The following CRAMP1 variants were observed in gnomAD, a reference collection of about 807,000 sequenced individuals.
CRAMP1 encodes the protein protein cramped-like.
CRAMP1 carries 50 observed loss-of-function variants against 115.4 expected under a neutral mutation model. The observed-to-expected ratio is 0.43, with a 90% CI of 0.35 to 0.55. The LOEUF is 0.55. CRAMP1 is among the 20% of genes least tolerant of loss of function. CRAMP1 has a pLI of 0.01. For synonymous variants in CRAMP1, 866 were observed against 745.4 expected, an observed-to-expected ratio of 1.16 and a Z score of -2.64; for missense variants, 1,679 against 1,721.7, an observed-to-expected ratio of 0.98 and a Z score of 0.44.
At position 1,659,861 on chromosome 16, in the gene CRAMP1, A is replaced by T. The variant is rs751991201; in HGVS notation, c.2236-25A>T. On this transcript the variant is annotated intron_variant, in intron 10 of 20. Coordinates refer to ENST00000397412, the MANE Select transcript of CRAMP1 (RefSeq NM_020825.4). Reference sequence around the variant, plus strand: ...CATTTCTCATGTGCTGAGTTTGGACATTGTTTGGCCCATTTCTGTCCTAGG... The same window carrying T: ...CATTTCTCATGTGCTGAGTTTGGACTTTGTTTGGCCCATTTCTGTCCTAGG... 5.0e-6 allele frequency: 8 copies of T among 1,611,046 alleles called. No homozygotes were observed. The South Asian group carries it at 8.8e-5, about 18-fold the overall frequency.
chr16:1,641,449 C>G (rs2036631337), intron 6 of CRAMP1, among the ~76,000 whole-genome samples: 1 of 152,190 alleles, frequency 6.6e-6, no homozygotes, highest in African/African-American at 2.4e-5. Flanking sequence ...GCGTTGTGGT[C>G]TCGACGCAGC....
chr16:1,627,848 C>T lies in CRAMP1; in HGVS notation c.540+1682C>T, dbSNP rs1021242852. ...CTGTTTGTTGGTCTTGGAGGACCTGCGATTCCTGGAATGTTTTCAGAATCA... is the reference window on the plus strand; with the variant it reads ...CTGTTTGTTGGTCTTGGAGGACCTGTGATTCCTGGAATGTTTTCAGAATCA... On this transcript the variant is annotated intron_variant, in intron 3 of 20. Transcript: ENST00000397412. 1.2e-4 allele frequency among the ~76,000 whole-genome samples: 18 copies of T among 152,212 alleles called. No homozygotes were observed. In the South Asian group the frequency reaches 1.2e-3, roughly 11 times the overall value.
At chr16:1,664,116 A>G (rs928030050) in intron 13 of CRAMP1, among the ~76,000 whole-genome samples, 4 of 152,190 alleles carry the variant, frequency 2.6e-5, no homozygotes, top group African/African-American at 7.2e-5. Context: ...AAGGGTCAGA[A>G]CTGCAGCGGC....
chr16:1,628,675 A>G (rs2036525513), intron 3 of CRAMP1, among the ~76,000 whole-genome samples: 1 of 152,214 alleles, frequency 6.6e-6, no homozygotes, highest in Non-Finnish European at 1.5e-5. Context: ...CTGTGGGGTG[A>G]CGGTGACTGG....
At chr16:1,661,720 C>G (rs1349822713) in intron 11 of CRAMP1, among the ~76,000 whole-genome samples, 1 of 151,922 alleles carries the variant, frequency 6.6e-6, no homozygotes, top group Non-Finnish European at 1.5e-5. Context: ...CTCAGCCACC[C>G]GAGTAGTTGG....
At chr16:1,659,857 G>A (rs1012609492) in intron 10 of CRAMP1, 29 bp from the exon 11 acceptor site, 2 of 1,607,834 alleles carry the variant, frequency 1.2e-6, no homozygotes, top group Non-Finnish European at 1.7e-6. Context: ...TGCTGAGTTT[G>A]GACATTGTTT....
chr16:1,659,972 C>T lies in CRAMP1; in HGVS notation c.2322C>T (p.Thr774=), dbSNP rs377062723. The T allele has an allele frequency of 3.4e-5, 55 of 1,608,948 alleles. No homozygotes were observed. The African/African-American group carries it at 4.3e-4, about 12-fold the overall frequency. ...QSMTPPGKVV[T]VSSRSPRCPR... ...TGACGCCCCCAGGGAAGGTGGTGAC[C>T]GTCAGCTCTCGCAGCCCCCGCTGCC... is the stretch of plus-strand genomic sequence containing the variant. The change falls in exon 11 of 21, where the codon ACC becomes ACT. Residue 774 remains threonine (T), a synonymous_variant. Transcript: ENST00000397412.
intron 2 of CRAMP1, among the ~76,000 whole-genome samples, chr16:1,621,902 G>C (rs930835995): frequency 6.6e-6 from 1 of 152,134 alleles, no homozygotes; most frequent in East Asian, 1.9e-4. Context: ...AGCCCACCTA[G>C]TTTTGTTTAC....
chr16:1,649,575 C>T (rs544594440), intron 6 of CRAMP1, among the ~76,000 whole-genome samples: 170 of 151,798 alleles, frequency 1.1e-3, no homozygotes, highest in African/African-American at 3.5e-3. Flanking sequence ...CTGCAAGCTC[C>T]GCCTCCTGGG....
At chr16:1,621,214 A>G (rs2036462994) in intron 2 of CRAMP1, among the ~76,000 whole-genome samples, 1 of 152,128 alleles carries the variant, frequency 6.6e-6, no homozygotes, top group South Asian at 2.1e-4. Context: ...GGCATTCCAG[A>G]CCAACCCAGG....
intron 17 of CRAMP1, among the ~76,000 whole-genome samples, chr16:1,667,703 C>G (rs981320771): frequency 7.9e-5 from 12 of 152,186 alleles, no homozygotes; most frequent in Non-Finnish European, 1.5e-4. Context: ...TAGTAACTCC[C>G]CCAGCCCCCA....
At chr16:1,659,857 G>T in intron 10 of CRAMP1, 29 bp from the exon 11 acceptor site, 1 of 1,607,950 alleles carries the variant, frequency 6.2e-7, no homozygotes. Flanking sequence ...TGCTGAGTTT[G>T]GACATTGTTT....
chr16:1,641,842 CCCACTCCGCAGCCTGGGGGTCT>C (rs988857642), intron 6 of CRAMP1, among the ~76,000 whole-genome samples: 10 of 151,490 alleles, frequency 6.6e-5, no homozygotes, highest in South Asian at 2.1e-4. Flanking sequence ...GGGGGGGTTC[CCCACTCCGCAGCCTGGGGGTCT>C]CCACTCCGCA....
rs2036835162 is a variant in CRAMP1 at position 1,662,027 on chromosome 16, A to G, written c.2414-463A>G. On this transcript the variant is annotated intron_variant, in intron 11 of 20. Coordinates refer to ENST00000397412, the MANE Select transcript of CRAMP1 (RefSeq NM_020825.4). Reference sequence around the variant, plus strand: ...TTTATAAATAAAGTTTTATTGGCACACAGCCACACTCATTTGCTCACCTGT... The same window carrying G: ...TTTATAAATAAAGTTTTATTGGCACGCAGCCACACTCATTTGCTCACCTGT... Among the ~76,000 whole-genome samples, 5 of 152,230 alleles carry G rather than the reference A, an allele frequency of 3.3e-5. No individual in the cohort carries two copies. The South Asian group carries it at 1.0e-3, about 32-fold the overall frequency.
At chr16:1,613,579 C>T (rs938629676) in intron 1 of CRAMP1, among the ~76,000 whole-genome samples, 3 of 152,236 alleles carry the variant, frequency 2.0e-5, no homozygotes, top group Admixed American at 2.0e-4. Context: ...GCAGCTCTTG[C>T]TGTGTACCTG....
intron 10 of CRAMP1, among the ~76,000 whole-genome samples, chr16:1,657,978 C>G (rs552099349): frequency 6.6e-6 from 1 of 152,086 alleles, no homozygotes; most frequent in Non-Finnish European, 1.5e-5. Context: ...TGGGGGGACT[C>G]GGGACTCGGG....
chr16:1,623,023 A>G (rs1238851831), intron 2 of CRAMP1, among the ~76,000 whole-genome samples: 1 of 151,978 alleles, frequency 6.6e-6, no homozygotes, highest in Non-Finnish European at 1.5e-5. Flanking sequence ...GGCCTCCCAA[A>G]GTAGCTGTGA....
chr16:1,619,569 T>TG (rs2142168663), intron 2 of CRAMP1, among the ~76,000 whole-genome samples: 1 of 152,356 alleles, frequency 6.6e-6, no homozygotes, highest in East Asian at 1.9e-4. Context: ...TGGGATATCT[T>TG]GCAATACCTA....
rs768441130 is a variant in CRAMP1 at position 1,656,074 on chromosome 16, C to G, written c.1317C>G (p.Ala439=). Residue 439 remains alanine (A), a synonymous_variant, in exon 10 of 21, where the codon GCC becomes GCG. Transcript: ENST00000397412. This position sits in a 1 kb window ranked among gnomAD's most constrained non-coding sequence, Gnocchi z 5.6. Reference sequence around the variant, plus strand: ...GGTGCAAGCAGAGTGCCAAGGACGCCCACGTGCTGCCCCCAGCCCAGATCC... The same window carrying G: ...GGTGCAAGCAGAGTGCCAAGGACGCGCACGTGCTGCCCCCAGCCCAGATCC... The part of the protein sequence containing the change: ...GGRCKQSAKD[A]HVLPPAQILG... 55 of 1,610,140 alleles carry G rather than the reference C, an allele frequency of 3.4e-5. No homozygotes were observed. The highest frequency in any genetic ancestry group is 4.2e-5 in the Non-Finnish European group (49 of 1,178,958).
Sources: allele counts gnomAD v4.1 joint callset (sites outside exome capture counted in the v4.1 genomes callset), GRCh38; gene constraint gnomAD v4.1.1; non-coding constraint Gnocchi (gnomAD v3.1); transcripts MANE v1.5; gene names NCBI Gene and HGNC (gene_info 2026-07-23, HGNC 2026-07-21).